ANKS1A: variants seen among roughly 807,000 people sequenced by gnomAD.
ANKS1A encodes the protein ankyrin repeat and SAM domain-containing protein 1A.
In ANKS1A, 55 loss-of-function variants were observed where a neutral mutation model predicts 120.3. The ratio of observed to expected loss-of-function variants is 0.46; its 90% CI spans 0.37 to 0.57. ANKS1A has a LOEUF of 0.57. Among genes scored for constraint, ANKS1A ranks in the 20% least tolerant of loss-of-function variants. ANKS1A has a pLI of 0.00. For missense variants in ANKS1A, 1,123 were observed against 1,480.3 expected (o/e 0.76, Z 3.96); for synonymous variants, 590 against 604.7 (o/e 0.98, Z 0.36).
intron 1 of ANKS1A, among the ~76,000 whole-genome samples, chr6:34,961,903 G>C (rs752446525): frequency 6.6e-6 from 1 of 152,216 alleles, no homozygotes; most frequent in Non-Finnish European, 1.5e-5. Flanking sequence ...GACAGTCCTT[G>C]TTTGGCCAAA....
chr6:35,069,615 ACTGCAGCC>A (rs1355760461), intron 13 of ANKS1A, among the ~76,000 whole-genome samples: 2 of 152,006 alleles, frequency 1.3e-5, no homozygotes, highest in African/African-American at 4.8e-5. Context: ...GTCACAGCTC[ACTGCAGCC>A]CTGACCCCCC....
intron 8 of ANKS1A, among the ~76,000 whole-genome samples, chr6:34,988,100 T>C (rs1378506628): frequency 6.6e-6 from 1 of 152,224 alleles, no homozygotes; most frequent in African/African-American, 2.4e-5. Flanking sequence ...ACCTTTTCAG[T>C]GACTTTCTTA....
chr6:34,912,710 A>C (rs1205288538), intron 1 of ANKS1A, among the ~76,000 whole-genome samples: 2 of 152,250 alleles, frequency 1.3e-5, no homozygotes, highest in Non-Finnish European at 2.9e-5. Flanking sequence ...AAAGGGGTGC[A>C]CTAGTAGGGA....
chr6:34,983,490 C>T, intron 7 of ANKS1A, 65 bp downstream of exon 7: 1 of 1,293,872 alleles, frequency 7.7e-7, no homozygotes, highest in East Asian at 2.3e-5. Flanking sequence ...AATTCGTGGG[C>T]AGAATGGAAA....
intron 10 of ANKS1A, among the ~76,000 whole-genome samples, chr6:35,015,213 A>G (rs1297914085): frequency 6.6e-6 from 1 of 151,824 alleles, no homozygotes; most frequent in Non-Finnish European, 1.5e-5. Context: ...AGTGTAGAGG[A>G]GGGGCCCAAC....
intron 3 of ANKS1A, among the ~76,000 whole-genome samples, chr6:34,976,147 A>AAAAAAAAAAAG (rs559867720): frequency 2.7e-5 from 4 of 145,840 alleles, no homozygotes; most frequent in African/African-American, 7.5e-5. Flanking sequence ...AAAAAAAAAA[A>AAAAAAAAAAAG]AAAAGAAAAG....
chr6:35,020,214 G>A (rs1338631720), intron 11 of ANKS1A, among the ~76,000 whole-genome samples: 1 of 152,084 alleles, frequency 6.6e-6, no homozygotes, highest in African/African-American at 2.4e-5. Flanking sequence ...GCCAACTGTG[G>A]ATAGAAATAT....
chr6:35,018,759 TAAGG>T (rs1407100769), intron 11 of ANKS1A, among the ~76,000 whole-genome samples: 1 of 152,090 alleles, frequency 6.6e-6, no homozygotes, highest in African/African-American at 2.4e-5. Context: ...ACCCAATGTT[TAAGG>T]GAGAACATGC....
At chr6:34,974,940 G>A (rs1279970669) in intron 3 of ANKS1A, among the ~76,000 whole-genome samples, 1 of 152,162 alleles carries the variant, frequency 6.6e-6, no homozygotes, top group Non-Finnish European at 1.5e-5. Flanking sequence ...TTATGGGGAG[G>A]AAACTTGAAG....
intron 3 of ANKS1A, among the ~76,000 whole-genome samples, chr6:34,979,044 C>T (rs1217304167): frequency 1.3e-5 from 2 of 151,598 alleles, no homozygotes; most frequent in Admixed American, 6.6e-5. Flanking sequence ...TACAGGTGCC[C>T]GCCACCACGC....
At chr6:35,095,141 C>CAAAAAAA (rs34813964), downstream of ANKS1A, among the ~76,000 whole-genome samples, 1 of 81,240 alleles carries the variant, frequency 1.2e-5, no homozygotes, top group Non-Finnish European at 2.4e-5. Context: ...ACCCCCATCT[C>CAAAAAAA]AAAAAAAAAA....
At chr6:34,932,383 G>A (rs1048301162) in intron 1 of ANKS1A, among the ~76,000 whole-genome samples, 2 of 151,964 alleles carry the variant, frequency 1.3e-5, no homozygotes, top group Non-Finnish European at 2.9e-5. Flanking sequence ...GGGTTTCACC[G>A]TGTTGGCCAG....
chr6:35,060,311 C>G lies in ANKS1A; in HGVS notation c.2184+58C>G. 6.9e-7 allele frequency: 1 copy of G among 1,456,118 alleles called. No homozygotes were observed. The highest frequency in any genetic ancestry group is 1.9e-5 in the Admixed American group (1 of 52,164). 90.2% of individuals were successfully genotyped at this position (1,456,118 alleles called of 1,614,324 possible). On this transcript the variant is annotated intron_variant, in intron 13 of 23. Coordinates refer to ENST00000360359, the MANE Select transcript of ANKS1A (RefSeq NM_015245.3). This position sits in a 1 kb window ranked among gnomAD's most constrained non-coding sequence, Gnocchi z 4.5. ...TGCTGCTCAGTGGAAACAGGCCTCC[C>G]TGGCCTCCCCTCTGGCCCCACAGGA...
intron 11 of ANKS1A, among the ~76,000 whole-genome samples, chr6:35,026,589 C>T (rs906210842): frequency 1.2e-4 from 18 of 151,954 alleles, no homozygotes; most frequent in African/African-American, 3.9e-4. Flanking sequence ...GGATTGCTGC[C>T]GTTAGGTGAG....
At chr6:35,076,979 G>T (rs1777395283) in intron 13 of ANKS1A, among the ~76,000 whole-genome samples, 1 of 152,130 alleles carries the variant, frequency 6.6e-6, no homozygotes, top group African/African-American at 2.4e-5. Context: ...CGTGGAGTAG[G>T]GAGGGAGTGC....
intron 11 of ANKS1A, among the ~76,000 whole-genome samples, chr6:35,053,021 T>C (rs953769628): frequency 1.3e-5 from 2 of 152,162 alleles, no homozygotes; most frequent in African/African-American, 4.8e-5. Flanking sequence ...CAAGGAGAGA[T>C]GGCGCTTGCT....
At chr6:34,891,458 G>A (rs1766819844) in intron 1 of ANKS1A, among the ~76,000 whole-genome samples, 1 of 152,146 alleles carries the variant, frequency 6.6e-6, no homozygotes, top group Non-Finnish European at 1.5e-5. Context: ...TTGCCACTCT[G>A]CAGTTCTGAT....
At chr6:35,063,798 TA>T (rs1419444551) in intron 13 of ANKS1A, among the ~76,000 whole-genome samples, 1 of 152,072 alleles carries the variant, frequency 6.6e-6, no homozygotes, top group Non-Finnish European at 1.5e-5. Context: ...ACAAAGCACA[TA>T]AAAGAGCAGC....
At chr6:35,064,010 A>G (rs977326475) in intron 13 of ANKS1A, among the ~76,000 whole-genome samples, 2 of 152,202 alleles carry the variant, frequency 1.3e-5, no homozygotes, top group African/African-American at 4.8e-5. Flanking sequence ...AGAGGGGCCA[A>G]CCTGTCTCTG....
Sources: gnomAD v4.1 joint callset for allele counts (sites outside exome capture counted in the v4.1 genomes callset) on GRCh38, gnomAD v4.1.1 for gene constraint, Gnocchi (gnomAD v3.1) non-coding constraint, MANE v1.5 for transcripts, NCBI Gene and HGNC (gene_info 2026-07-23, HGNC 2026-07-21) for gene names.